Variants in MARCHF3 observed in about 807,000 individuals in gnomAD.
The protein encoded by MARCHF3 is membrane associated ring-CH-type finger 3.
Under a neutral mutation model 24.2 loss-of-function variants are expected in MARCHF3, and 13 were observed. The ratio of observed to expected loss-of-function variants is 0.54; its 90% confidence interval spans 0.35 to 0.85. MARCHF3 has a LOEUF of 0.85. Ranked by LOEUF, MARCHF3 falls within the 40% of genes least tolerant of loss-of-function variation. The pLI is 0.01. For synonymous variants in MARCHF3, 144 were observed against 137.3 expected (o/e 1.05, Z -0.34); for missense variants, 276 against 325.0 (o/e 0.85, Z 1.16).
chr5:126,968,042 T>G (rs147074249), intron 1 of MARCHF3, among the ~76,000 whole-genome samples: 144 of 152,338 alleles, frequency 9.5e-4, no homozygotes, highest in Non-Finnish European at 1.9e-3. Context: ...CTACTCTGGA[T>G]ATTTCATGTA....
At chr5:126,928,512 T>TAATG (rs1749370508) in intron 1 of MARCHF3, among the ~76,000 whole-genome samples, 1 of 152,206 alleles carries the variant, frequency 6.6e-6, no homozygotes, top group African/African-American at 2.4e-5. Context: ...AATTCTCAGA[T>TAATG]AATGACCTTT....
intron 3 of MARCHF3, among the ~76,000 whole-genome samples, chr5:126,889,966 G>C (rs560818631): frequency 5.3e-5 from 8 of 152,112 alleles, no homozygotes. Flanking sequence ...ATGTCCCTCA[G>C]TAGCATCCTC....
At chr5:126,921,100 C>T (rs946064166) in intron 1 of MARCHF3, among the ~76,000 whole-genome samples, 1 of 151,746 alleles carries the variant, frequency 6.6e-6, no homozygotes, top group Admixed American at 6.6e-5. Flanking sequence ...AAATGATAGT[C>T]CGGTCCAGCA....
At chr5:126,979,722 G>A (rs1244965327) in intron 1 of MARCHF3, among the ~76,000 whole-genome samples, 2 of 152,100 alleles carry the variant, frequency 1.3e-5, no homozygotes, top group Non-Finnish European at 2.9e-5. Context: ...GCTGAGGCGG[G>A]CAGATCACCT....
At chr5:126,873,409 GAAAA>G (rs77244995) in intron 4 of MARCHF3, among the ~76,000 whole-genome samples, 3 of 104,340 alleles carry the variant, frequency 2.9e-5, no homozygotes, top group African/African-American at 1.1e-4. Flanking sequence ...AACAGAAAAA[GAAAA>G]AAAAAAAAAA....
chr5:126,917,898 C>T (rs1339483628), intron 2 of MARCHF3, 86 bp downstream of exon 2: 7 of 1,376,834 alleles, frequency 5.1e-6, no homozygotes, highest in African/African-American at 1.4e-5. Context: ...GACCTGAGCA[C>T]TAATTACATT....
intron 1 of MARCHF3, among the ~76,000 whole-genome samples, chr5:126,965,172 T>A (rs543310331): frequency 6.6e-6 from 1 of 152,210 alleles, no homozygotes; most frequent in East Asian, 1.9e-4. Context: ...ATAAATGAGA[T>A]CATCGTCTTC....
At chr5:126,950,770 T>C (rs1750204375) in intron 1 of MARCHF3, among the ~76,000 whole-genome samples, 1 of 152,384 alleles carries the variant, frequency 6.6e-6, no homozygotes, top group South Asian at 2.1e-4. Flanking sequence ...CCAGATTTTC[T>C]ATAACTATCA....
chr5:126,985,806 T>C (rs887488456), intron 1 of MARCHF3, among the ~76,000 whole-genome samples: 1 of 152,166 alleles, frequency 6.6e-6, no homozygotes, highest in African/African-American at 2.4e-5. Context: ...GTGGTGGGGA[T>C]ACTTGGGTTC....
At chr5:126,928,292 C>T (rs1441331124) in intron 1 of MARCHF3, among the ~76,000 whole-genome samples, 1 of 152,184 alleles carries the variant, frequency 6.6e-6, no homozygotes, top group East Asian at 1.9e-4. Context: ...AGGAGACCAG[C>T]CACTGCAGAT....
At chr5:126,951,522 C>G (rs147851335) in intron 1 of MARCHF3, among the ~76,000 whole-genome samples, 28 of 152,352 alleles carry the variant, frequency 1.8e-4, no homozygotes, top group Non-Finnish European at 3.7e-4. Context: ...CAAAACTGTT[C>G]TATCTGCAGT....
intron 1 of MARCHF3, among the ~76,000 whole-genome samples, chr5:126,930,874 C>T (rs1487313560): frequency 1.3e-5 from 2 of 152,234 alleles, no homozygotes; most frequent in Admixed American, 6.5e-5. Flanking sequence ...GGGGCATTTT[C>T]TGCCCATGAT....
chr5:126,989,298 C>G (rs749648424), intron 1 of MARCHF3, among the ~76,000 whole-genome samples: 161 of 148,810 alleles, frequency 1.1e-3, no homozygotes, highest in African/African-American at 3.7e-3. Context: ...ACTACTACTA[C>G]TACTACTAGT....
chr5:126,956,668 A>C (rs1325180311), intron 1 of MARCHF3, among the ~76,000 whole-genome samples: 5 of 148,692 alleles, frequency 3.4e-5, no homozygotes, highest in Non-Finnish European at 7.4e-5. Flanking sequence ...AAAAAAAAAA[A>C]AAACCAAAAA....
rs1263292369 is a variant in MARCHF3, at chr5:126,886,317, T to C, written c.394-7923A>G. 2.6e-5 allele frequency among the ~76,000 whole-genome samples: 4 copies of C among 152,202 alleles called. No individual in the cohort carries two copies. The East Asian group carries it at 7.7e-4, about 29-fold the overall frequency. ...ACTTACTTTCACACTACATAAAATC[T>C]TGATCCCAGTTTTTGTTCCCTCCTG... On this transcript the variant is annotated intron_variant, in intron 3 of 4. Transcript: ENST00000308660.
chr5:126,900,942 G>A (rs966095258), intron 3 of MARCHF3, among the ~76,000 whole-genome samples: 1 of 151,922 alleles, frequency 6.6e-6, no homozygotes, highest in Non-Finnish European at 1.5e-5. Context: ...TCTTAGTCAC[G>A]TGATCCACCC....
At chr5:126,876,896 C>T (rs1260751448) in intron 4 of MARCHF3, among the ~76,000 whole-genome samples, 1 of 152,154 alleles carries the variant, frequency 6.6e-6, no homozygotes, top group Admixed American at 6.5e-5. Context: ...GTGATCCGCC[C>T]GCCTCAGCCT....
chr5:126,896,638 C>G (rs1421509292), intron 3 of MARCHF3, among the ~76,000 whole-genome samples: 1 of 152,192 alleles, frequency 6.6e-6, no homozygotes, highest in East Asian at 1.9e-4. Context: ...TTAAGACTAA[C>G]AAATCATATC....
intron 1 of MARCHF3, among the ~76,000 whole-genome samples, chr5:126,922,551 T>TA (rs1554065926): frequency 7.3e-6 from 1 of 136,748 alleles, no homozygotes; most frequent in Non-Finnish European, 1.6e-5. Context: ...TTTATTTATT[T>TA]ATTATTTATT....
Sources: gnomAD v4.1 joint callset for allele counts (sites outside exome capture counted in the v4.1 genomes callset) on GRCh38, gnomAD v4.1.1 for gene constraint, MANE v1.5 for transcripts, NCBI Gene and HGNC (gene_info 2026-07-23, HGNC 2026-07-21) for gene names.